Variants in KIF27 observed in about 807,000 individuals in gnomAD.
The protein encoded by KIF27 is kinesin-like protein KIF27.
KIF27 carries 84 observed loss-of-function variants against 141.8 expected under a neutral mutation model. The ratio of observed to expected loss-of-function variants is 0.59; its 90% CI spans 0.50 to 0.71. KIF27 has a LOEUF of 0.71. Among genes scored for constraint, KIF27 ranks in the 30% least tolerant of loss-of-function variants. KIF27 has a pLI of 0.00. For missense variants in KIF27, 1,306 were observed against 1,628.4 expected (o/e 0.80, Z 3.41); for synonymous variants, 471 against 569.5 (o/e 0.83, Z 2.46).
intron 16 of KIF27, among the ~76,000 whole-genome samples, chr9:83,843,842 C>T (rs558211668): frequency 6.6e-6 from 1 of 152,264 alleles, no homozygotes; most frequent in South Asian, 2.1e-4. Context: ...CCCACCTTAG[C>T]CTCCGGGGTA....
intron 8 of KIF27, 60 bp from the exon 9 acceptor site, chr9:83,887,256 G>A (rs1378269852): frequency 6.9e-6 from 8 of 1,158,154 alleles, no homozygotes; most frequent in Non-Finnish European, 9.3e-6. Context: ...CAGAAGTAGA[G>A]TTAAAAAAAG....
rs1206206063 is a variant in KIF27 at position 83,899,769 on chromosome 9, C to T, written c.1494G>A (p.Gln498=). 6 of 1,613,602 alleles carry T rather than the reference C, an allele frequency of 3.7e-6. No homozygotes were observed. The highest frequency in any genetic ancestry group is 5.1e-6 in the Non-Finnish European group (6 of 1,179,738). ...TCAGTTCCTTCACCTCCAGTTCCTT[C>T]TGATTAAATACTACTTCATCAGCAG... The part of the protein sequence containing the change: ...VLAADEVVFN[Q]KELEVKELKN... The change falls in exon 5 of 18, where the codon CAG becomes CAA. Residue 498 remains glutamine (Q), a synonymous_variant. Coordinates refer to ENST00000297814, the MANE Select transcript of KIF27 (RefSeq NM_017576.4).
intron 15 of KIF27, among the ~76,000 whole-genome samples, chr9:83,851,955 C>A (rs1259582641): frequency 6.6e-6 from 1 of 150,836 alleles, no homozygotes; most frequent in Non-Finnish European, 1.5e-5. Context: ...TGGTGAAACC[C>A]CATCTCTACT....
intron 2 of KIF27, among the ~76,000 whole-genome samples, chr9:83,914,254 T>G (rs2132781088): frequency 6.6e-6 from 1 of 151,710 alleles, no homozygotes; most frequent in South Asian, 2.1e-4. Flanking sequence ...AGCCACAATT[T>G]ATACTAGAAA....
At chr9:83,891,960 G>A (rs1952723377) in intron 5 of KIF27, among the ~76,000 whole-genome samples, 1 of 151,676 alleles carries the variant, frequency 6.6e-6, no homozygotes, top group Admixed American at 6.6e-5. Flanking sequence ...TAGTGAAAAA[G>A]GAAGCCAAAA....
chr9:83,909,006 C>A (rs1678109553), intron 2 of KIF27, among the ~76,000 whole-genome samples: 1 of 152,130 alleles, frequency 6.6e-6, no homozygotes, highest in African/African-American at 2.4e-5. Flanking sequence ...TTCATGTATT[C>A]ATTGAACAAG....
At chr9:83,916,783 C>T (rs1401008070) in intron 1 of KIF27, among the ~76,000 whole-genome samples, 3 of 151,524 alleles carry the variant, frequency 2.0e-5, no homozygotes, top group Non-Finnish European at 1.5e-5. Flanking sequence ...CCTGCCTCAG[C>T]CTCCAGAGTA....
chr9:83,848,999 A>G (rs751215309), intron 16 of KIF27: 6 of 151,872 alleles, frequency 4.0e-5, no homozygotes, highest in Non-Finnish European at 8.8e-5. Context: ...TTTTTTGTAG[A>G]GATGGGGTTT....
In KIF27 at chr9:83,915,450, C is replaced by G. The variant is rs1285172100; in HGVS notation, c.142G>C (p.Asp48His). The change falls in exon 2 of 18, where the codon GAT becomes CAT. Residue 48 changes from aspartate (D) to histidine (H), a missense_variant. Physicochemically the swap from Asp to His is moderately conservative, Grantham distance 81. Transcript: ENST00000297814. ...IIGRDRVFTF[D>H]FVFGKNSTQD... is the part of the protein sequence containing the mutation. Reference sequence around the variant, plus strand: ...GTGGAATTTTTGCCAAAAACAAAATCAAAAGTGAAGACTCTATCTCTCCCA... The same window carrying G: ...GTGGAATTTTTGCCAAAAACAAAATGAAAAGTGAAGACTCTATCTCTCCCA... The G allele has an allele frequency of 1.2e-6, 2 of 1,613,634 alleles. No homozygotes were observed. Among genetic ancestry groups the G allele is most frequent in the African/African-American group, 2.7e-5 (2 of 74,876 alleles).
At chr9:83,920,966 G>T (rs1241069533) in intron 1 of KIF27, among the ~76,000 whole-genome samples, 1 of 152,154 alleles carries the variant, frequency 6.6e-6, no homozygotes, top group Non-Finnish European at 1.5e-5. Flanking sequence ...GCGCTCGGTG[G>T]TGGTGGCCCT....
chr9:83,884,032 A>G lies in KIF27; in HGVS notation c.2240-14T>C. The G allele has an allele frequency of 6.7e-7, 1 of 1,496,726 alleles. No individual in the cohort carries two copies. Among genetic ancestry groups the G allele is most frequent in the South Asian group, 1.2e-5 (1 of 80,318 alleles). 92.7% of individuals were successfully genotyped at this position (1,496,726 alleles called of 1,614,324 possible). A position where few individuals can be genotyped will look rare whatever the true frequency, so the allele number is the denominator to read the frequency against. On this transcript the variant is annotated splice_polypyrimidine_tract_variant and intron_variant, in intron 9 of 17. Transcript: ENST00000297814. The stretch of plus-strand genomic sequence containing the variant: ...TGGCATCATTACCTTAACCGTAATA[A>G]TAATTATTATTAGTATAAATTATGT...
At chr9:83,888,338 A>C (rs1402989350) in intron 8 of KIF27, 151 bp downstream of exon 8, 1 of 421,322 alleles carries the variant, frequency 2.4e-6, no homozygotes, top group East Asian at 3.6e-5. Context: ...GGTAAAACAG[A>C]GAACATAAAA....
At chr9:83,889,475 C>G (rs1952459086) in intron 6 of KIF27, among the ~76,000 whole-genome samples, 1 of 152,198 alleles carries the variant, frequency 6.6e-6, no homozygotes, top group African/African-American at 2.4e-5. Context: ...AGCTCCTTCT[C>G]TTCTGGACAA....
intron 11 of KIF27, among the ~76,000 whole-genome samples, chr9:83,879,337 G>A (rs1951487911): frequency 1.3e-5 from 2 of 149,800 alleles, no homozygotes; most frequent in South Asian, 2.1e-4. Flanking sequence ...TTTTAAGGTC[G>A]GAAAATAGGT....
At chr9:83,858,186 G>A (rs1437817029) in intron 14 of KIF27, 2 of 152,124 alleles carry the variant, frequency 1.3e-5, no homozygotes, top group African/African-American at 4.8e-5. Context: ...GGCAACAGAG[G>A]TCTATAATGT....
chr9:83,897,667 A>G (rs999789423), intron 5 of KIF27, among the ~76,000 whole-genome samples: 2 of 152,224 alleles, frequency 1.3e-5, no homozygotes, highest in African/African-American at 2.4e-5. Context: ...GAGAGTAAAA[A>G]GCAAGCCACA....
chr9:83,840,252 A>G (rs1946407341), intron 17 of KIF27, among the ~76,000 whole-genome samples: 1 of 152,226 alleles, frequency 6.6e-6, no homozygotes, highest in African/African-American at 2.4e-5. Context: ...CTTCATTTTC[A>G]GATTTTTCTA....
chr9:83,858,214 T>C (rs1949480797), intron 14 of KIF27: 1 of 152,140 alleles, frequency 6.6e-6, no homozygotes, highest in African/African-American at 2.4e-5. Context: ...AACTGCCACT[T>C]AGCCCCCAAT....
chr9:83,859,552 A>T (rs1949645153), intron 13 of KIF27, 181 bp from the exon 14 acceptor site: 2 of 568,504 alleles, frequency 3.5e-6, no homozygotes, highest in South Asian at 4.4e-5. Context: ...TGTTTTTGAC[A>T]TGGAGTTTTG....
Sources: allele counts gnomAD v4.1 joint callset (sites outside exome capture counted in the v4.1 genomes callset), GRCh38; gene constraint gnomAD v4.1.1; transcripts MANE v1.5; gene names NCBI Gene and HGNC (gene_info 2026-07-23, HGNC 2026-07-21).